COL5A3: variants seen among roughly 807,000 people sequenced by gnomAD.
The protein encoded by COL5A3 is collagen alpha-3(V) chain.
COL5A3 carries 172 observed loss-of-function variants against 250.0 expected under a neutral mutation model. The observed-to-expected ratio is 0.69, with a 90% CI of 0.61 to 0.78. COL5A3 has a LOEUF of 0.78. Ranked by LOEUF, COL5A3 falls within the 30% of genes least tolerant of loss-of-function variation. The pLI, the probability that COL5A3 is intolerant of heterozygous loss-of-function variation, is 0.00. For synonymous variants in COL5A3, 937 were observed against 900.4 expected (o/e 1.04, Z -0.73); for missense variants, 2,340 against 2,334.4 (o/e 1.00, Z -0.05).
chr19:9,973,075 T>A, intron 50 of COL5A3, 49 bp from the exon 51 acceptor site: 1 of 1,499,066 alleles, frequency 6.7e-7, no homozygotes, highest in Non-Finnish European at 9.1e-7. Flanking sequence ...TCTCCAGGGA[T>A]CAAGGATTAG....
In COL5A3 at chr19:9,978,633, G is replaced by A; in HGVS notation, c.2965-6C>T. On this transcript the variant is annotated splice_region_variant and splice_polypyrimidine_tract_variant and intron_variant, in intron 40 of 66. Transcript: ENST00000264828. ...CCCTTTAAGCCAGTAGGTCCCTGAA[G>A]GAGGAGATAATTCACAGTTAAGAGA... 6.4e-7 allele frequency: 1 copy of A among 1,552,600 alleles called. No individual in the cohort carries two copies. Among genetic ancestry groups the A allele is most frequent in the East Asian group, 2.3e-5 (1 of 42,840 alleles).
chr19:9,969,769 G>C (rs1266720632), intron 55 of COL5A3, 87 bp from the exon 56 acceptor site: 3 of 1,570,184 alleles, frequency 1.9e-6, no homozygotes, highest in Non-Finnish European at 2.6e-6. Flanking sequence ...GATCGGGAGG[G>C]AGTAGGTGCA....
intron 65 of COL5A3, among the ~76,000 whole-genome samples, chr19:9,961,204 C>A (rs1315153737): frequency 6.6e-6 from 1 of 152,180 alleles, no homozygotes; most frequent in Non-Finnish European, 1.5e-5. Context: ...TCTGCCTCCA[C>A]TCTTGTGAGT....
chr19:9,995,954 A>C, intron 15 of COL5A3, 112 bp downstream of exon 15: 1 of 1,092,044 alleles, frequency 9.2e-7, no homozygotes, highest in Non-Finnish European at 1.3e-6. Context: ...AAAGTCATCA[A>C]TTGCAAGGGT....
At chr19:9,971,378 C>A in intron 51 of COL5A3, 120 bp from the exon 52 acceptor site, 1 of 730,826 alleles carries the variant, frequency 1.4e-6, no homozygotes. Flanking sequence ...GTGAACAAAA[C>A]ATAAAATCCC....
intron 60 of COL5A3, 38 bp from the exon 61 acceptor site, chr19:9,967,977 T>G: frequency 6.2e-7 from 1 of 1,605,876 alleles, no homozygotes; most frequent in Non-Finnish European, 8.5e-7. Flanking sequence ...GGTCCTGGCC[T>G]GGACCACCAC....
chr19:9,970,905 C>T (rs550756535), intron 53 of COL5A3, 70 bp downstream of exon 53: 4 of 1,353,778 alleles, frequency 3.0e-6, no homozygotes, highest in Non-Finnish European at 4.0e-6. Flanking sequence ...CTCCCCTGCC[C>T]CCCCAATTCA....
chr19:9,997,436 G>C lies in COL5A3; in HGVS notation c.1201-3C>G. The C allele has an allele frequency of 6.3e-7, 1 of 1,598,738 alleles. No individual in the cohort carries two copies. Among genetic ancestry groups the C allele is most frequent in the Non-Finnish European group, 8.5e-7 (1 of 1,173,048 alleles). On this transcript the variant is annotated splice_polypyrimidine_tract_variant and splice_region_variant and intron_variant, in intron 10 of 66. Coordinates refer to ENST00000264828, the MANE Select transcript of COL5A3 (RefSeq NM_015719.4). ...GGGCCTGAGGGGCCAACCACCCCCT[G>C]TTGGGGACAGAGAAACAGGAGTCAC...
At chr19:9,985,745 G>T in intron 31 of COL5A3, 97 bp downstream of exon 31, 1 of 1,092,894 alleles carries the variant, frequency 9.2e-7, no homozygotes, top group Non-Finnish European at 1.4e-6. Flanking sequence ...CCCTTGGGGT[G>T]GGCAGCTCAT....
intron 64 of COL5A3, 88 bp downstream of exon 64, chr19:9,966,226 G>T (rs1042210896): frequency 2.0e-5 from 20 of 999,284 alleles, no homozygotes; most frequent in Non-Finnish European, 3.1e-5. Flanking sequence ...TTGAAGGAAG[G>T]ATAACGTCCC....
chr19:10,007,371 C>T (rs1048410670), intron 1 of COL5A3, among the ~76,000 whole-genome samples: 2 of 152,222 alleles, frequency 1.3e-5, no homozygotes, highest in African/African-American at 4.8e-5. Context: ...AACCTCCAGA[C>T]CTCCCCTGTC....
At position 9,985,898 on chromosome 19, in the gene COL5A3, G is replaced by A. The variant is rs1242695321; in HGVS notation, c.2353-3C>T. The A allele has an allele frequency of 5.0e-6, 8 of 1,613,782 alleles. No homozygotes were observed. The African/African-American group carries it at 9.3e-5, about 19-fold the overall frequency. On this transcript the variant is annotated splice_polypyrimidine_tract_variant and splice_region_variant and intron_variant, in intron 30 of 66. Coordinates refer to ENST00000264828, the MANE Select transcript of COL5A3 (RefSeq NM_015719.4). ...AGGCCTGGCACCCCAAGCTTGCCCT[G>A]CAGAAAGGTTATGGGACAAAGGTCA...
chr19:9,975,770 A>G (rs1039121772), intron 45 of COL5A3, among the ~76,000 whole-genome samples: 1 of 151,752 alleles, frequency 6.6e-6, no homozygotes, highest in Non-Finnish European at 1.5e-5. Context: ...GGATTGAATC[A>G]GATTCTGGGG....
In COL5A3 at chr19:9,996,246, G is replaced by A; in HGVS notation, c.1439C>T (p.Pro480Leu). The stretch of plus-strand genomic sequence containing the variant: ...CCCAGTGAGCCCCACTGGACCAGGG[G>A]GGCCTTTCATAGAGAGCTGGAAAGA... Reference protein sequence around the residue: ...LQQTQLSMKGPPGPVGLTGRP... With the variant: ...LQQTQLSMKGLPGPVGLTGRP... Residue 480 changes from proline to leucine, a missense_variant, in exon 14 of 67, where the codon CCC becomes CTC. Coordinates refer to ENST00000264828, the MANE Select transcript of COL5A3 (RefSeq NM_015719.4). The A allele has an allele frequency of 6.3e-7, 1 of 1,575,126 alleles. No homozygotes were observed. Among genetic ancestry groups the A allele is most frequent in the Non-Finnish European group, 8.6e-7 (1 of 1,163,102 alleles).
At chr19:9,978,823 C>CAA in intron 40 of COL5A3, 68 bp downstream of exon 40, 1 of 920,634 alleles carries the variant, frequency 1.1e-6, no homozygotes, top group Non-Finnish European at 1.6e-6. Context: ...TATTCCCCAT[C>CAA]CCTCCCCTGA....
At chr19:9,969,267 T>G in intron 57 of COL5A3, 82 bp downstream of exon 57, 3 of 1,239,234 alleles carry the variant, frequency 2.4e-6, no homozygotes, top group Non-Finnish European at 2.3e-6. Context: ...AGGGCTAGCC[T>G]GCACCAATGC....
chr19:9,986,504 TC>T, intron 29 of COL5A3, 48 bp downstream of exon 29: 1 of 1,574,036 alleles, frequency 6.4e-7, no homozygotes, highest in South Asian at 1.1e-5. Flanking sequence ...CTCCCTATCT[TC>T]CCCGAGCCCC....
At position 9,989,451 on chromosome 19, in the gene COL5A3, C is replaced by T. The variant is rs115597588; in HGVS notation, c.2046+18G>A. 1.9e-3 allele frequency: 3,004 copies of T among 1,613,676 alleles called. 37 individuals are homozygous for T. In the African/African-American group the frequency reaches 0.031, roughly 17 times the overall value. On this transcript the variant is annotated intron_variant, in intron 25 of 66. Coordinates refer to ENST00000264828, the MANE Select transcript of COL5A3 (RefSeq NM_015719.4). The stretch of plus-strand genomic sequence containing the variant: ...CTCCCCTTTCTCCTTCCTCCTTTTC[C>T]CAGCTCATGGTTCTCACCAGAGGGC...
In COL5A3 at chr19:9,996,142, A is replaced by G. The variant is rs562748581; in HGVS notation, c.1480-23T>C. On this transcript the variant is annotated intron_variant, in intron 14 of 66. Coordinates refer to ENST00000264828, the MANE Select transcript of COL5A3 (RefSeq NM_015719.4). ...ACCCTTGGGGGAGGAGAGATGGAGG[A>G]GTGTGGGTAGATGATTCTTCACTAA... The G allele has an allele frequency of 2.6e-6, 4 of 1,556,740 alleles. No homozygotes were observed. In the South Asian group the frequency reaches 4.9e-5, roughly 19 times the overall value.
Sources: allele counts gnomAD v4.1 joint callset (sites outside exome capture counted in the v4.1 genomes callset), GRCh38; gene constraint gnomAD v4.1.1; transcripts MANE v1.5; gene names NCBI Gene and HGNC (gene_info 2026-07-23, HGNC 2026-07-21).